Variants in LRP1B observed in about 807,000 individuals in gnomAD.
The protein encoded by LRP1B is low-density lipoprotein receptor-related protein 1B.
A neutral mutation model predicts 556.6 loss-of-function variants in LRP1B; 217 were observed. That is an observed-to-expected ratio of 0.39 (90% confidence interval 0.35 to 0.44). The LOEUF (loss-of-function observed/expected upper bound fraction) is 0.44. LRP1B is among the 20% of genes least tolerant of loss of function. The pLI is 1.00. For synonymous variants in LRP1B, 2,047 were observed against 1,865.8 expected (o/e 1.10, Z -2.50); for missense variants, 5,053 against 5,620.8 (o/e 0.90, Z 3.23).
At chr2:140,278,331 G>C (rs1682771384) in intron 84 of LRP1B, among the ~76,000 whole-genome samples, 1 of 152,032 alleles carries the variant, frequency 6.6e-6, no homozygotes, top group East Asian at 1.9e-4. Context: ...CTGTTTACTT[G>C]TGATTTTTAA....
intron 1 of LRP1B, among the ~76,000 whole-genome samples, chr2:141,945,692 A>T (rs1252403816): frequency 2.0e-5 from 3 of 151,958 alleles, no homozygotes; most frequent in African/African-American, 7.2e-5. Flanking sequence ...AATCATCTTA[A>T]ATGCAATTAT....
At position 140,951,789 on chromosome 2, in the gene LRP1B, G is replaced by A. The variant is rs1343794936; in HGVS notation, c.2968+71C>T. 3 of 1,228,916 alleles carry A rather than the reference G, an allele frequency of 2.4e-6. No individual in the cohort carries two copies. In the East Asian group the frequency reaches 7.1e-5, roughly 29 times the overall value. 76.1% of individuals were successfully genotyped at this position (1,228,916 alleles called of 1,614,324 possible). A position where few individuals can be genotyped will look rare whatever the true frequency, so the allele number is the denominator to read the frequency against. ...GATTCCCCTACAAAGTACCTCTGAA[G>A]AAAGCCAGGCAGTCCAGACCGCCAA... On this transcript the variant is annotated intron_variant, in intron 19 of 90. Transcript: ENST00000389484.
chr2:140,524,218 A>T (rs1690320200), intron 49 of LRP1B, among the ~76,000 whole-genome samples: 1 of 151,936 alleles, frequency 6.6e-6, no homozygotes, highest in East Asian at 1.9e-4. Context: ...ACAAACACAT[A>T]AAAAAGTGCT....
At chr2:141,544,346 C>CTTCTTCTTCTTCTTCTTCTTCTT (rs1685442719) in intron 2 of LRP1B, among the ~76,000 whole-genome samples, 26 of 85,010 alleles carry the variant, frequency 3.1e-4, no homozygotes, top group African/African-American at 1.0e-3. Context: ...TCTTCTTCTT[C>CTTCTTCTTCTTCTTCTTCTTCTT]TTCTTCTTCT....
Position 141,964,231 on chromosome 2 carries a change from T to A in LRP1B, c.83-153830A>T, listed in dbSNP as rs1466719591. ...GCTACCAATGACTTTCTTCACAGAA[T>A]TGGAAAAAACTACTTTAATGTTCAT... On this transcript the variant is annotated intron_variant, in intron 1 of 90. Transcript: ENST00000389484. Among the ~76,000 whole-genome samples the A allele has an allele frequency of 2.7e-5, 4 of 150,404 alleles. No homozygotes were observed. The East Asian group carries it at 7.9e-4, about 30-fold the overall frequency.
intron 3 of LRP1B, among the ~76,000 whole-genome samples, chr2:141,393,842 C>T (rs1015590543): frequency 6.6e-6 from 1 of 151,968 alleles, no homozygotes; most frequent in African/African-American, 2.4e-5. Flanking sequence ...GTGCTTTATA[C>T]GTGTGTGTTA....
intron 2 of LRP1B, among the ~76,000 whole-genome samples, chr2:141,666,229 CT>C (rs1690426977): frequency 1.3e-5 from 2 of 152,278 alleles, no homozygotes; most frequent in South Asian, 4.1e-4. Flanking sequence ...AGACTGACTT[CT>C]TAGACAAGCT....
chr2:141,972,667 T>C (rs1701777237), intron 1 of LRP1B, among the ~76,000 whole-genome samples: 1 of 151,502 alleles, frequency 6.6e-6, no homozygotes, highest in African/African-American at 2.4e-5. Context: ...TTTTTAGACG[T>C]TGGTTCTGAG....
chr2:141,416,607 T>C (rs1339644383), intron 3 of LRP1B, among the ~76,000 whole-genome samples: 2 of 151,970 alleles, frequency 1.3e-5, no homozygotes, highest in African/African-American at 4.8e-5. Context: ...ACTCACACCA[T>C]TACCACCAGT....
intron 2 of LRP1B, among the ~76,000 whole-genome samples, chr2:141,647,021 T>C (rs1259371585): frequency 6.6e-6 from 1 of 152,128 alleles, no homozygotes; most frequent in Non-Finnish European, 1.5e-5. Context: ...CCCCTTGCTA[T>C]GGCTGGTAAG....
intron 3 of LRP1B, among the ~76,000 whole-genome samples, chr2:141,287,723 C>A (rs1024602778): frequency 6.6e-6 from 1 of 152,112 alleles, no homozygotes; most frequent in African/African-American, 2.4e-5. Context: ...CTATTTCCTG[C>A]ATGATATAAA....
chr2:140,642,973 A>T (rs943867684), intron 41 of LRP1B, among the ~76,000 whole-genome samples: 3 of 152,172 alleles, frequency 2.0e-5, no homozygotes, highest in African/African-American at 7.2e-5. Flanking sequence ...CATTATTTCT[A>T]TTCTATATTC....
At position 141,032,822 on chromosome 2, in the gene LRP1B, C is replaced by CATATATATATATATATATATATAT. The variant is rs1333410760; in HGVS notation, c.1790-12721_1790-12720insATATATATATATATATATATATAT. Among the ~76,000 whole-genome samples, 490 of 75,448 alleles carry CATATATATATATATATATATATAT rather than the reference C, an allele frequency of 6.5e-3. 3 individuals carry two copies. Among genetic ancestry groups the CATATATATATATATATATATATAT allele is most frequent in the Non-Finnish European group, 0.01 (369 of 35,944 alleles). 49.5% of individuals were successfully genotyped at this position (75,448 alleles called of 152,430 possible). ...GTATATGTGTGTGTGTATATATATA[C>CATATATATATATATATATATATAT]ATACATATATATATATATGCAGGCA... On this transcript the variant is annotated intron_variant, in intron 11 of 90. Coordinates refer to ENST00000389484, the MANE Select transcript of LRP1B (RefSeq NM_018557.3).
chr2:141,859,608 A>G (rs1176073530), intron 1 of LRP1B, among the ~76,000 whole-genome samples: 2 of 152,208 alleles, frequency 1.3e-5, no homozygotes, highest in African/African-American at 4.8e-5. Flanking sequence ...ATAGCTAACA[A>G]TAATGCACTG....
intron 31 of LRP1B, 68 bp downstream of exon 31, chr2:140,839,923 A>C: frequency 1.1e-6 from 1 of 912,866 alleles, no homozygotes; most frequent in Non-Finnish European, 1.7e-6. Context: ...GATCTAGATC[A>C]AAGGTATATT....
At chr2:141,479,410 C>T (rs1682834129) in intron 3 of LRP1B, among the ~76,000 whole-genome samples, 1 of 152,146 alleles carries the variant, frequency 6.6e-6, no homozygotes, top group African/African-American at 2.4e-5. Flanking sequence ...TTTCTGGTGA[C>T]CTGGGACCTC....
intron 41 of LRP1B, among the ~76,000 whole-genome samples, chr2:140,637,837 A>C (rs529448818): frequency 2.6e-5 from 4 of 152,328 alleles, no homozygotes; most frequent in East Asian, 1.9e-4. Flanking sequence ...AAGAAATATC[A>C]ATCAGAGATT....
At chr2:141,024,083 A>C (rs1698146467) in intron 11 of LRP1B, among the ~76,000 whole-genome samples, 1 of 151,998 alleles carries the variant, frequency 6.6e-6, no homozygotes, top group South Asian at 2.1e-4. Context: ...CTCTTTGTAC[A>C]TTTCAATATG....
At chr2:140,740,057 C>T (rs954953101) in intron 35 of LRP1B, among the ~76,000 whole-genome samples, 5 of 152,270 alleles carry the variant, frequency 3.3e-5, no homozygotes, top group African/African-American at 1.2e-4. Context: ...TCAGGGAACA[C>T]TTCTACACTG....
Sources: allele counts gnomAD v4.1 joint callset (sites outside exome capture counted in the v4.1 genomes callset), GRCh38; gene constraint gnomAD v4.1.1; transcripts MANE v1.5; gene names NCBI Gene and HGNC (gene_info 2026-07-23, HGNC 2026-07-21).